The following CADPS2 variants were observed in gnomAD, a reference collection of about 807,000 sequenced individuals.
CADPS2 encodes the protein calcium-dependent secretion activator 2.
A neutral mutation model predicts 172.5 loss-of-function variants in CADPS2; 93 were observed. The observed-to-expected ratio is 0.54, with a 90% CI of 0.46 to 0.64. CADPS2 has a LOEUF of 0.64. Among genes scored for constraint, CADPS2 ranks in the 30% least tolerant of loss-of-function variants. The probability of loss-of-function intolerance (pLI) is 0.00; values close to 1 mark genes in which losing one functional copy is unlikely to be tolerated. For missense variants in CADPS2, 1,420 were observed against 1,565.9 expected (o/e 0.91, Z 1.57); for synonymous variants, 546 against 555.2 (o/e 0.98, Z 0.23).
At chr7:122,696,541 C>A (rs2085132164) in intron 2 of CADPS2, among the ~76,000 whole-genome samples, 1 of 151,698 alleles carries the variant, frequency 6.6e-6, no homozygotes, top group African/African-American at 2.4e-5. Context: ...AACTACTGCC[C>A]TTCTACCTGT....
At chr7:122,634,474 A>C (rs575503163) in intron 3 of CADPS2, among the ~76,000 whole-genome samples, 112 of 152,316 alleles carry the variant, frequency 7.4e-4, no homozygotes, top group African/African-American at 2.4e-3. Flanking sequence ...TTTTCAAAAT[A>C]ATCTCTGAGG....
At chr7:122,602,757 A>G (rs975418154) in intron 6 of CADPS2, among the ~76,000 whole-genome samples, 1 of 152,106 alleles carries the variant, frequency 6.6e-6, no homozygotes. Context: ...AAGTGTTCCA[A>G]GATATTTTTA....
At chr7:122,700,867 T>A (rs952282971) in intron 2 of CADPS2, among the ~76,000 whole-genome samples, 1 of 152,196 alleles carries the variant, frequency 6.6e-6, no homozygotes, top group Middle Eastern at 3.4e-3. Context: ...TTATCCTAAA[T>A]GAAGCCTATA....
intron 2 of CADPS2, chr7:122,681,399 T>C: frequency 3.3e-6 from 5 of 1,497,188 alleles, no homozygotes; most frequent in Non-Finnish European, 4.6e-6. Flanking sequence ...CTGTGCCCGA[T>C]GCGTGCCCAA....
At chr7:122,451,057 A>T (rs2152036501) in intron 15 of CADPS2, among the ~76,000 whole-genome samples, 1 of 152,314 alleles carries the variant, frequency 6.6e-6, no homozygotes, top group East Asian at 1.9e-4. Context: ...TTACCTGGTA[A>T]TACAGAGAGC....
intron 2 of CADPS2, among the ~76,000 whole-genome samples, chr7:122,723,334 G>GA (rs1363390126): frequency 4.0e-5 from 6 of 150,980 alleles, no homozygotes; most frequent in African/African-American, 7.3e-5. Flanking sequence ...AAATTTACAA[G>GA]AAAAAAAACA....
At chr7:122,702,229 T>C (rs758478087) in intron 2 of CADPS2, 1 of 1,613,876 alleles carries the variant, frequency 6.2e-7, no homozygotes, top group South Asian at 1.1e-5. Context: ...CAATGATGAC[T>C]GTCACATAGA....
At chr7:122,552,921 T>C (rs2064505201) in intron 8 of CADPS2, among the ~76,000 whole-genome samples, 1 of 152,028 alleles carries the variant, frequency 6.6e-6, no homozygotes, top group South Asian at 2.1e-4. Context: ...TTTAGAGCAC[T>C]AGCACTCTCT....
intron 25 of CADPS2, among the ~76,000 whole-genome samples, chr7:122,367,330 C>A (rs1035836464): frequency 2.0e-5 from 3 of 151,714 alleles, no homozygotes; most frequent in African/African-American, 7.3e-5. Context: ...ACCCGTATAT[C>A]TGTATCAATA....
At chr7:122,722,330 C>A (rs1468854912) in intron 2 of CADPS2, among the ~76,000 whole-genome samples, 1 of 151,980 alleles carries the variant, frequency 6.6e-6, no homozygotes, top group Non-Finnish European at 1.5e-5. Context: ...AGCTGATAAG[C>A]AACTTCAGCA....
At chr7:122,489,810 A>G (rs1361166809) in intron 11 of CADPS2, among the ~76,000 whole-genome samples, 3 of 152,142 alleles carry the variant, frequency 2.0e-5, no homozygotes, top group African/African-American at 4.8e-5. Flanking sequence ...TTTTCCTTTG[A>G]GAAGTTTTGG....
chr7:122,369,140 CCCT>C (rs1388602781), intron 25 of CADPS2, among the ~76,000 whole-genome samples: 17 of 87,966 alleles, frequency 1.9e-4, no homozygotes, highest in African/African-American at 5.5e-4. Context: ...CCCCCCCCCC[CCCT>C]TTTTTTTTTT....
intron 7 of CADPS2, among the ~76,000 whole-genome samples, chr7:122,579,423 C>A (rs564735352): frequency 7.0e-6 from 1 of 142,980 alleles, no homozygotes; most frequent in East Asian, 2.1e-4. Flanking sequence ...GGAGCATAAG[C>A]GGTTTCTCAG....
intron 17 of CADPS2, among the ~76,000 whole-genome samples, chr7:122,432,339 A>G (rs1449966879): frequency 6.6e-6 from 1 of 152,058 alleles, no homozygotes; most frequent in African/African-American, 2.4e-5. Context: ...AGCAGTATAA[A>G]TAGAAAGCCT....
intron 2 of CADPS2, among the ~76,000 whole-genome samples, chr7:122,664,514 C>T (rs2080973001): frequency 6.6e-6 from 1 of 152,086 alleles, no homozygotes; most frequent in Non-Finnish European, 1.5e-5. Context: ...GTAATAAGGT[C>T]ATATTTGGGA....
intron 2 of CADPS2, 126 bp downstream of exon 2, chr7:122,736,829 A>C (rs1348383171): frequency 3.4e-6 from 2 of 579,786 alleles, no homozygotes; most frequent in African/African-American, 3.8e-5. Context: ...ATGCTTTCAA[A>C]AAGGTTGCAA....
chr7:122,495,570 CT>C (rs2058669617), intron 9 of CADPS2, among the ~76,000 whole-genome samples: 1 of 152,186 alleles, frequency 6.6e-6, no homozygotes, highest in Admixed American at 6.5e-5. Context: ...ATGTCCTTCA[CT>C]TTTTTTCACT....
chr7:122,624,119 A>G (rs2075856112), intron 4 of CADPS2, among the ~76,000 whole-genome samples: 1 of 152,174 alleles, frequency 6.6e-6, no homozygotes. Context: ...TATTGATAAT[A>G]TTTCATTAAC....
intron 20 of CADPS2, among the ~76,000 whole-genome samples, chr7:122,395,034 A>G (rs373823504): frequency 2.0e-5 from 3 of 152,234 alleles, no homozygotes; most frequent in African/African-American, 7.2e-5. Flanking sequence ...AAATCTAATT[A>G]CTAGCAACTC....
Sources: allele counts gnomAD v4.1 joint callset (sites outside exome capture counted in the v4.1 genomes callset), GRCh38; gene constraint gnomAD v4.1.1; transcripts MANE v1.5; gene names NCBI Gene and HGNC (gene_info 2026-07-23, HGNC 2026-07-21).